DDHD1: variants seen among roughly 807,000 people sequenced by gnomAD.
DDHD1 encodes the protein phospholipase DDHD1.
A neutral mutation model predicts 96.4 loss-of-function variants in DDHD1; 49 were observed. The ratio of observed to expected loss-of-function variants is 0.51; its 90% CI spans 0.40 to 0.64. The LOEUF is 0.64. Among genes scored for constraint, DDHD1 ranks in the 30% least tolerant of loss-of-function variants. DDHD1 has a pLI of 0.00. For synonymous variants in DDHD1, 442 were observed against 446.5 expected (o/e 0.99, Z 0.13); for missense variants, 1,106 against 1,161.2 (o/e 0.95, Z 0.69).
chr14:53,147,808 G>A (rs1891100634), intron 1 of DDHD1, among the ~76,000 whole-genome samples: 1 of 152,052 alleles, frequency 6.6e-6, no homozygotes, highest in African/African-American at 2.4e-5. Context: ...CTTTTTCAGG[G>A]TCAGGCACGA....
At chr14:53,110,842 G>GT in intron 1 of DDHD1, among the ~76,000 whole-genome samples, 1 of 152,212 alleles carries the variant, frequency 6.6e-6, no homozygotes, top group South Asian at 2.1e-4. Context: ...GGGCTTGGTG[G>GT]TAACACGCCT....
chr14:53,064,375 A>C (rs1013696792), intron 6 of DDHD1, among the ~76,000 whole-genome samples: 1 of 152,104 alleles, frequency 6.6e-6, no homozygotes, highest in African/African-American at 2.4e-5. Flanking sequence ...TATATACTTT[A>C]GTACTCTGAC....
chr14:53,120,938 T>C (rs908552331), intron 1 of DDHD1, among the ~76,000 whole-genome samples: 2 of 152,064 alleles, frequency 1.3e-5, no homozygotes, highest in African/African-American at 4.8e-5. Context: ...AAAGTCAAAA[T>C]TGACAAGTGG....
At chr14:53,047,158 T>C (rs867539353) in intron 12 of DDHD1, among the ~76,000 whole-genome samples, 1 of 152,082 alleles carries the variant, frequency 6.6e-6, no homozygotes, top group South Asian at 2.1e-4. Context: ...CTTTCCTTTG[T>C]ATGCTAAAGT....
intron 4 of DDHD1, among the ~76,000 whole-genome samples, chr14:53,089,510 A>C (rs1268574827): frequency 1.3e-5 from 2 of 152,146 alleles, no homozygotes; most frequent in Non-Finnish European, 2.9e-5. Context: ...AAATAACACC[A>C]CACATCTACA....
intron 4 of DDHD1, among the ~76,000 whole-genome samples, chr14:53,086,235 A>G (rs140940434): frequency 2.1e-4 from 32 of 152,324 alleles, no homozygotes; most frequent in African/African-American, 7.7e-4. Flanking sequence ...TCTTTAGGAT[A>G]TTATCCAGGA....
At chr14:53,143,981 G>C (rs929377472) in intron 1 of DDHD1, among the ~76,000 whole-genome samples, 1 of 152,172 alleles carries the variant, frequency 6.6e-6, no homozygotes, top group Non-Finnish European at 1.5e-5. Flanking sequence ...ATGGATTATA[G>C]GTCTTTCCAT....
intron 2 of DDHD1, among the ~76,000 whole-genome samples, chr14:53,100,793 A>C (rs1261830268): frequency 2.0e-5 from 3 of 152,214 alleles, no homozygotes; most frequent in Non-Finnish European, 4.4e-5. Flanking sequence ...AAAATGTTTT[A>C]AATTATTAAA....
intron 1 of DDHD1, among the ~76,000 whole-genome samples, chr14:53,148,206 A>C (rs2139914823): frequency 6.6e-6 from 1 of 152,360 alleles, no homozygotes; most frequent in Non-Finnish European, 1.5e-5. Context: ...TGGAAACTAC[A>C]TATAAAAATT....
At chr14:53,133,063 G>A (rs1889989663) in intron 1 of DDHD1, among the ~76,000 whole-genome samples, 1 of 152,114 alleles carries the variant, frequency 6.6e-6, no homozygotes, top group African/African-American at 2.4e-5. Flanking sequence ...GAAGGTTACA[G>A]GCTGCTAGCC....
chr14:53,078,609 A>G (rs1885168183), intron 4 of DDHD1, among the ~76,000 whole-genome samples: 1 of 152,170 alleles, frequency 6.6e-6, no homozygotes, highest in Admixed American at 6.6e-5. Context: ...CCTTTGAAGA[A>G]CAAAAGGACT....
At chr14:53,114,460 G>T (rs2139770156) in intron 1 of DDHD1, among the ~76,000 whole-genome samples, 1 of 152,292 alleles carries the variant, frequency 6.6e-6, no homozygotes, top group Non-Finnish European at 1.5e-5. Context: ...TCCCAACAGG[G>T]TCTGACAGAC....
rs1299740451 is a variant in DDHD1 at position 53,084,260 on chromosome 14, A to G, written c.1289+7525T>C. Among the ~76,000 whole-genome samples the G allele has an allele frequency of 2.0e-5, 3 of 152,146 alleles. No homozygotes were observed. The East Asian group carries it at 5.8e-4, about 29-fold the overall frequency. Reference sequence around the variant, plus strand: ...AAATGAAGGCTATAGAGCAGATAAAACTGGATTTTGATGACTTGCTTGGCA... The same window carrying G: ...AAATGAAGGCTATAGAGCAGATAAAGCTGGATTTTGATGACTTGCTTGGCA... On this transcript the variant is annotated intron_variant, in intron 4 of 12. Transcript: ENST00000673822.
chr14:53,136,114 T>C (rs747714688), intron 1 of DDHD1, among the ~76,000 whole-genome samples: 14 of 152,200 alleles, frequency 9.2e-5, no homozygotes, highest in Non-Finnish European at 1.8e-4. Flanking sequence ...TCCCCACCCT[T>C]GAGAATGTAC....
chr14:53,057,429 A>G (rs1056385613), intron 9 of DDHD1, among the ~76,000 whole-genome samples: 31 of 152,218 alleles, frequency 2.0e-4, no homozygotes, highest in African/African-American at 7.0e-4. Context: ...TACAGCATAA[A>G]CATAATAGAG....
chr14:53,054,409 C>A (rs1246984659), intron 11 of DDHD1, 29 bp downstream of exon 11: 1 of 1,599,012 alleles, frequency 6.3e-7, no homozygotes, highest in South Asian at 1.1e-5. Context: ...GATACAGTAT[C>A]AACTTAAGGA....
intron 1 of DDHD1, among the ~76,000 whole-genome samples, chr14:53,145,502 CAAAAAAA>C (rs34747977): frequency 2.5e-3 from 157 of 61,694 alleles, no homozygotes; most frequent in African/African-American, 8.4e-3. Context: ...AACCTTGTCT[CAAAAAAA>C]AAAAAAAAAA....
intron 1 of DDHD1, among the ~76,000 whole-genome samples, chr14:53,146,277 G>A (rs1404993263): frequency 1.3e-5 from 2 of 152,080 alleles, no homozygotes; most frequent in African/African-American, 2.4e-5. Flanking sequence ...GCCAAGGTGG[G>A]TGAATTACTT....
intron 4 of DDHD1, among the ~76,000 whole-genome samples, chr14:53,080,303 G>C (rs987640763): frequency 1.3e-5 from 2 of 152,152 alleles, no homozygotes; most frequent in African/African-American, 4.8e-5. Context: ...GGAGGCTGCA[G>C]TGAACTGAGA....
Sources: gnomAD v4.1 joint callset for allele counts (sites outside exome capture counted in the v4.1 genomes callset) on GRCh38, gnomAD v4.1.1 for gene constraint, MANE v1.5 for transcripts, NCBI Gene and HGNC (gene_info 2026-07-23, HGNC 2026-07-21) for gene names.